Variants in NCAPG2 observed in about 807,000 individuals in gnomAD.
NCAPG2 encodes the protein non-SMC condensin II complex subunit G2.
In NCAPG2, 53 loss-of-function variants were observed where a neutral mutation model predicts 141.1. The observed-to-expected ratio is 0.38, with a 90% confidence interval of 0.30 to 0.47. NCAPG2 has a LOEUF of 0.47. Ranked by LOEUF, NCAPG2 falls within the 20% of genes least tolerant of loss-of-function variation. The pLI, the probability that NCAPG2 is intolerant of heterozygous loss-of-function variation, is 0.99. For missense variants in NCAPG2, 1,087 were observed against 1,389.0 expected (o/e 0.78, Z 3.46); for synonymous variants, 499 against 490.7 (o/e 1.02, Z -0.22).
At chr7:158,637,169 G>C (rs1490766591) in intron 27 of NCAPG2, among the ~76,000 whole-genome samples, 3 of 152,042 alleles carry the variant, frequency 2.0e-5, no homozygotes, top group Non-Finnish European at 2.9e-5. Context: ...GGATGGTCTC[G>C]ATCTCCTGAC....
chr7:158,637,532 A>C (rs1830333703), intron 27 of NCAPG2, among the ~76,000 whole-genome samples: 1 of 152,298 alleles, frequency 6.6e-6, no homozygotes, highest in South Asian at 2.1e-4. Context: ...CGAGCCACAC[A>C]CAGGAGCCTG....
Position 158,689,819 on chromosome 7 carries a change from C to G in NCAPG2, c.672G>C (p.Glu224Asp). 1 of 1,570,984 alleles carries G rather than the reference C, an allele frequency of 6.4e-7. No homozygotes were observed. The highest frequency in any genetic ancestry group is 8.7e-7 in the Non-Finnish European group (1 of 1,153,514). The change falls in exon 6 of 28, where the codon GAG becomes GAC. Residue 224 changes from glutamate to aspartate, a missense_variant and splice_region_variant. Coordinates refer to ENST00000356309, the MANE Select transcript of NCAPG2 (RefSeq NM_017760.7). Reference protein sequence around the residue: ...FININYIKKEEGRRFLSCLFN... With the variant: ...FININYIKKEDGRRFLSCLFN... ...GATCAAAAAACAAATACCTATTTAC[C>G]TCTTCTTTCTTGATATAATTAATAT...
chr7:158,631,268 G>A lies in NCAPG2; in HGVS notation c.*398C>T, dbSNP rs1829881412. 4.9e-6 allele frequency: 1 copy of A among 205,318 alleles called. No homozygotes were observed. The highest frequency in any genetic ancestry group is 2.4e-5 in the African/African-American group (1 of 41,848). 12.7% of individuals were successfully genotyped at this position (205,318 alleles called of 1,614,324 possible). A position where few individuals can be genotyped will look rare whatever the true frequency, so the allele number is the denominator to read the frequency against. On this transcript the variant is annotated 3_prime_UTR_variant, in exon 28 of 28. Transcript: ENST00000356309. Reference sequence around the variant, plus strand: ...CCCAAAGTGCTGGGATTACAGGCGTGTGCCACTGCGCCGGGCCCCTAATAC... The same window carrying A: ...CCCAAAGTGCTGGGATTACAGGCGTATGCCACTGCGCCGGGCCCCTAATAC...
intron 6 of NCAPG2, among the ~76,000 whole-genome samples, chr7:158,688,693 C>T (rs762338714): frequency 1.4e-4 from 22 of 152,188 alleles, no homozygotes; most frequent in Non-Finnish European, 2.9e-4. Flanking sequence ...ACTGTTGCTC[C>T]TATTTTACAG....
At chr7:158,686,107 G>GC in intron 8 of NCAPG2, 65 bp downstream of exon 8, 1 of 985,172 alleles carries the variant, frequency 1.0e-6, no homozygotes, top group South Asian at 1.6e-5. Context: ...ACCCTTCTTT[G>GC]ACTACTTATT....
chr7:158,669,241 A>C (rs575824987), intron 13 of NCAPG2, among the ~76,000 whole-genome samples: 12 of 152,228 alleles, frequency 7.9e-5, no homozygotes, highest in African/African-American at 2.9e-4. Flanking sequence ...ACGCAAACAT[A>C]TATCTTTATA....
At chr7:158,646,767 C>T (rs908921790) in intron 24 of NCAPG2, among the ~76,000 whole-genome samples, 25 of 152,198 alleles carry the variant, frequency 1.6e-4, no homozygotes, top group African/African-American at 6.0e-4. Flanking sequence ...GTGGTTCACA[C>T]CTGTAATCCC....
chr7:158,667,219 C>T (rs1054193889), intron 13 of NCAPG2: 40 of 985,454 alleles, frequency 4.1e-5, no homozygotes, highest in Admixed American at 6.1e-5. Context: ...CTGCCTTCTT[C>T]CTCTGCTCTG....
At chr7:158,662,518 G>A (rs1832593814) in intron 15 of NCAPG2, 151 bp from the exon 16 acceptor site, 3 of 640,708 alleles carry the variant, frequency 4.7e-6, no homozygotes, top group Non-Finnish European at 7.2e-6. Context: ...AATCTTCTAG[G>A]GAGGTAAATT....
Position 158,668,375 on chromosome 7 carries a change from GGGTCCCTCCGCCCT to G in NCAPG2, c.1479+3125_1479+3138del, listed in dbSNP as rs1833430475. The G allele has an allele frequency of 8.1e-6, 8 of 983,044 alleles. No homozygotes were observed. The African/African-American group carries it at 1.3e-4, about 15-fold the overall frequency. The allele number at this position is 983,044 out of a possible 1,614,324, so 60.9% of individuals were successfully genotyped here. ...CCCTCCGCCCTCCTTACCCACTACTGGGTCCCTCCGCCCTCCTTACCTATTACTGTTTTCTGTTT... is the reference window on the plus strand; with the variant it reads ...CCCTCCGCCCTCCTTACCCACTACTGCCTTACCTATTACTGTTTTCTGTTT... On this transcript the variant is annotated intron_variant, in intron 13 of 27. Coordinates refer to ENST00000356309, the MANE Select transcript of NCAPG2 (RefSeq NM_017760.7).
At chr7:158,699,548 A>G (rs538518746) in intron 2 of NCAPG2, among the ~76,000 whole-genome samples, 1 of 152,298 alleles carries the variant, frequency 6.6e-6, no homozygotes, top group East Asian at 1.9e-4. Flanking sequence ...CCTGGGCCAC[A>G]CATTGTGCCC....
chr7:158,666,358 C>T (rs933187520), intron 13 of NCAPG2, among the ~76,000 whole-genome samples: 1 of 152,064 alleles, frequency 6.6e-6, no homozygotes, highest in East Asian at 1.9e-4. Context: ...ACTGCACCAG[C>T]GGGCCTGCAG....
At chr7:158,653,407 C>T (rs1831648073) in intron 22 of NCAPG2, among the ~76,000 whole-genome samples, 1 of 145,202 alleles carries the variant, frequency 6.9e-6, no homozygotes, top group Admixed American at 6.8e-5. Flanking sequence ...AATAATTAAA[C>T]AAAAAAGCTG....
chr7:158,648,134 T>C lies in NCAPG2; in HGVS notation c.3076-1571A>G, dbSNP rs181439507. 3.7e-4 allele frequency among the ~76,000 whole-genome samples: 56 copies of C among 152,316 alleles called. No individual in the cohort carries two copies. The South Asian group carries it at 5.2e-3, about 14-fold the overall frequency. On this transcript the variant is annotated intron_variant, in intron 24 of 27. Transcript: ENST00000356309. ...TTAAAGTGATTGTTGTAAATGCATT[T>C]CTTAAACAGTGAGACAAAAGACTAT...
chr7:158,700,360 G>A (rs1251153524), intron 2 of NCAPG2, among the ~76,000 whole-genome samples: 7 of 152,174 alleles, frequency 4.6e-5, no homozygotes, highest in Non-Finnish European at 7.4e-5. Context: ...TGGAAACAAC[G>A]CACCCCAGAA....
intron 27 of NCAPG2, among the ~76,000 whole-genome samples, chr7:158,639,188 G>T (rs1261239302): frequency 6.6e-6 from 1 of 151,936 alleles, no homozygotes; most frequent in Non-Finnish European, 1.5e-5. Flanking sequence ...GCTCACTGCA[G>T]CATCAACCTC....
chr7:158,698,952 A>G (rs933829814), intron 2 of NCAPG2, among the ~76,000 whole-genome samples: 3 of 151,874 alleles, frequency 2.0e-5, no homozygotes, highest in Admixed American at 1.3e-4. Context: ...CACTAGGCCA[A>G]TTTTTTAACA....
intron 12 of NCAPG2, among the ~76,000 whole-genome samples, 183 bp downstream of exon 12, chr7:158,675,294 T>C (rs1833984635): frequency 6.6e-6 from 1 of 152,240 alleles, no homozygotes; most frequent in Non-Finnish European, 1.5e-5. Flanking sequence ...GTTCAAGTCA[T>C]CATTTTTTGT....
chr7:158,669,767 T>TAAAAAA (rs1563545647), intron 13 of NCAPG2, among the ~76,000 whole-genome samples: 5 of 20,482 alleles, frequency 2.4e-4, no homozygotes, highest in South Asian at 3.7e-3. Context: ...AGACTCTGTC[T>TAAAAAA]CAAAAAAAAA....
Sources: allele counts gnomAD v4.1 joint callset (sites outside exome capture counted in the v4.1 genomes callset), GRCh38; gene constraint gnomAD v4.1.1; transcripts MANE v1.5; gene names NCBI Gene and HGNC (gene_info 2026-07-23, HGNC 2026-07-21).